The following PDGFRL variants were observed in gnomAD, a reference collection of about 807,000 sequenced individuals.
PDGFRL encodes the protein platelet derived growth factor receptor like.
In PDGFRL, 46 loss-of-function variants were observed where a neutral mutation model predicts 37.2. That is an observed-to-expected ratio of 1.24 (90% confidence interval 0.98 to 1.58). PDGFRL has a LOEUF of 1.58. Ranked by LOEUF, PDGFRL falls within the 40% of genes most tolerant of loss-of-function variation. The pLI, the probability that PDGFRL is intolerant of heterozygous loss-of-function variation, is 0.00. For synonymous variants in PDGFRL, 251 were observed against 184.3 expected (o/e 1.36, Z -2.93); for missense variants, 692 against 467.6 (o/e 1.48, Z -4.43).
At chr8:17,599,022 G>C (rs990728197) in intron 2 of PDGFRL, among the ~76,000 whole-genome samples, 1 of 152,164 alleles carries the variant, frequency 6.6e-6, no homozygotes, top group South Asian at 2.1e-4. Flanking sequence ...AGCAATGTGA[G>C]AACAGACTAA....
At chr8:17,584,677 C>A (rs774190988) in intron 1 of PDGFRL, among the ~76,000 whole-genome samples, 7 of 150,410 alleles carry the variant, frequency 4.7e-5, no homozygotes, top group Non-Finnish European at 8.8e-5. Flanking sequence ...CAGATTGAGG[C>A]CTTTATCCTG....
intron 2 of PDGFRL, among the ~76,000 whole-genome samples, chr8:17,616,334 A>G (rs1804527425): frequency 6.6e-6 from 1 of 152,086 alleles, no homozygotes; most frequent in African/African-American, 2.4e-5. Flanking sequence ...AGCTGGGACT[A>G]CAGGCATGCA....
intron 2 of PDGFRL, among the ~76,000 whole-genome samples, chr8:17,610,054 C>G (rs539628544): frequency 2.6e-5 from 4 of 152,328 alleles, no homozygotes; most frequent in African/African-American, 9.6e-5. Context: ...GTTGCATTCA[C>G]TATTCTGACT....
chr8:17,583,988 T>C lies in PDGFRL; in HGVS notation c.56-5480T>C, dbSNP rs543392928. ...CCTCAGCTATCCCTTTATAGCCACA[T>C]AGACGGCCGAAGGAGTGATACAGTG... On this transcript the variant is annotated intron_variant, in intron 1 of 5. Transcript: ENST00000251630. Among the ~76,000 whole-genome samples, 39 of 152,246 alleles carry C rather than the reference T, an allele frequency of 2.6e-4. 1 individual carries two copies. Among genetic ancestry groups the C allele is most frequent in the African/African-American group, 8.9e-4 (37 of 41,508 alleles).
intron 3 of PDGFRL, among the ~76,000 whole-genome samples, chr8:17,627,034 C>A (rs1045669100): frequency 6.6e-6 from 1 of 152,180 alleles, no homozygotes; most frequent in Non-Finnish European, 1.5e-5. Context: ...TTGGCAGGCG[C>A]CAGATCCTCT....
upstream of PDGFRL, chr8:17,577,013 G>A: frequency 5.2e-6 from 3 of 576,770 alleles, no homozygotes; most frequent in South Asian, 6.7e-5. Context: ...TTTCCTCCCC[G>A]CGCTGGGAAG....
At chr8:17,639,623 T>C (rs921242355) in intron 5 of PDGFRL, among the ~76,000 whole-genome samples, 1 of 152,172 alleles carries the variant, frequency 6.6e-6, no homozygotes, top group East Asian at 1.9e-4. Flanking sequence ...TTCTAGCTTG[T>C]AGGGTTTCTG....
chr8:17,584,763 G>A (rs7830566), intron 1 of PDGFRL, among the ~76,000 whole-genome samples: 5 of 151,366 alleles, frequency 3.3e-5, no homozygotes, highest in South Asian at 2.1e-4. Context: ...TAGTGTTACC[G>A]GAAAGGGGTC....
intron 2 of PDGFRL, chr8:17,596,477 A>G (rs1804055249): frequency 4.9e-6 from 2 of 412,326 alleles, no homozygotes; most frequent in African/African-American, 2.1e-5. Context: ...TATTCTGAAC[A>G]TTTAGTCTTT....
chr8:17,636,037 A>G (rs747798031), intron 5 of PDGFRL, among the ~76,000 whole-genome samples: 6 of 152,074 alleles, frequency 3.9e-5, no homozygotes, highest in Non-Finnish European at 8.8e-5. Flanking sequence ...AGATGTATGG[A>G]TTGCAAAAAT....
chr8:17,591,123 C>A (rs1302544387), intron 2 of PDGFRL, among the ~76,000 whole-genome samples: 1 of 152,052 alleles, frequency 6.6e-6, no homozygotes, highest in African/African-American at 2.4e-5. Flanking sequence ...ACCTCATGAT[C>A]CGCCTGCCTC....
At chr8:17,613,707 G>C (rs1403964046) in intron 2 of PDGFRL, among the ~76,000 whole-genome samples, 3 of 152,116 alleles carry the variant, frequency 2.0e-5, no homozygotes, top group Non-Finnish European at 4.4e-5. Context: ...GGAAGCCCCT[G>C]TCTCTACAGA....
At chr8:17,631,956 G>A (rs1170815806) in intron 4 of PDGFRL, among the ~76,000 whole-genome samples, 1 of 152,296 alleles carries the variant, frequency 6.6e-6, no homozygotes. Context: ...GGAAGTGGCC[G>A]GATCTAGGAG....
At chr8:17,582,726 G>T (rs1803733994) in intron 1 of PDGFRL, among the ~76,000 whole-genome samples, 1 of 152,178 alleles carries the variant, frequency 6.6e-6, no homozygotes. Context: ...GAATGAAAGA[G>T]CATTTTGGGA....
chr8:17,583,893 C>A (rs931084432), intron 1 of PDGFRL, among the ~76,000 whole-genome samples: 1 of 152,180 alleles, frequency 6.6e-6, no homozygotes, highest in African/African-American at 2.4e-5. Context: ...TCACCAGATG[C>A]CCAGTCTTGA....
chr8:17,590,475 G>C (rs1585302024), intron 2 of PDGFRL, among the ~76,000 whole-genome samples: 1 of 152,012 alleles, frequency 6.6e-6, no homozygotes, highest in Admixed American at 6.6e-5. Flanking sequence ...CCTTTGGGAG[G>C]CCAAAGCAGG....
rs933853754 is a variant in PDGFRL, at chr8:17,596,429, C to T, written c.353+6664C>T. ...CTTATTCACCAAAGTCAGATTCATG[C>T]ACTTTTTATAAAAAAACAGAATTGA... On this transcript the variant is annotated intron_variant, in intron 2 of 5. Coordinates refer to ENST00000251630, the MANE Select transcript of PDGFRL (RefSeq NM_001372073.1). 5.8e-5 allele frequency: 34 copies of T among 586,990 alleles called. No homozygotes were observed. The Admixed American group carries it at 1.4e-3, about 24-fold the overall frequency. The allele number at this position is 586,990 out of a possible 1,614,324, so 36.4% of individuals were successfully genotyped here. A position where few individuals can be genotyped will look rare whatever the true frequency, so the allele number is the denominator to read the frequency against.
intron 2 of PDGFRL, among the ~76,000 whole-genome samples, chr8:17,590,872 A>G (rs1003962821): frequency 1.1e-5 from 1 of 92,044 alleles, no homozygotes; most frequent in African/African-American, 3.2e-5. Flanking sequence ...GCTTCTCATT[A>G]TTATTATTAT....
chr8:17,580,863 T>A (rs1236976819), intron 1 of PDGFRL, among the ~76,000 whole-genome samples: 1 of 151,822 alleles, frequency 6.6e-6, no homozygotes, highest in Non-Finnish European at 1.5e-5. Context: ...CCCCTTGGCA[T>A]TTTTTTTAGC....
Sources: gnomAD v4.1 joint callset for allele counts (sites outside exome capture counted in the v4.1 genomes callset) on GRCh38, gnomAD v4.1.1 for gene constraint, MANE v1.5 for transcripts, NCBI Gene and HGNC (gene_info 2026-07-23, HGNC 2026-07-21) for gene names.